Variants in TTLL5 observed in about 807,000 individuals in gnomAD.
The protein encoded by TTLL5 is tubulin tyrosine ligase like 5, also known as tubulin polyglutamylase TTLL5.
Under a neutral mutation model 168.4 loss-of-function variants are expected in TTLL5, and 132 were observed. The ratio of observed to expected loss-of-function variants is 0.78; its 90% CI spans 0.68 to 0.91. The LOEUF (loss-of-function observed/expected upper bound fraction) is 0.91, where lower values mean the gene tolerates loss of function less well. TTLL5 is among the 40% of genes least tolerant of loss of function. The pLI, the probability that TTLL5 is intolerant of heterozygous loss-of-function variation, is 0.00. For synonymous variants in TTLL5, 546 were observed against 558.6 expected (o/e 0.98, Z 0.32); for missense variants, 1,545 against 1,581.5 (o/e 0.98, Z 0.39).
chr14:75,912,057 GGGTTAGC>G, intron 31 of TTLL5, among the ~76,000 whole-genome samples: 1 of 52,888 alleles, frequency 1.9e-5, no homozygotes, highest in Non-Finnish European at 4.1e-5. Flanking sequence ...ACAGCAGCTC[GGGTTAGC>G]CCATCCCGTG....
chr14:75,917,245 C>G (rs1318237677), intron 31 of TTLL5, among the ~76,000 whole-genome samples: 1 of 151,910 alleles, frequency 6.6e-6, no homozygotes, highest in Non-Finnish European at 1.5e-5. Context: ...TGTATTATAC[C>G]CCAGATTAGG....
At chr14:75,920,446 G>A (rs556905165) in intron 31 of TTLL5, among the ~76,000 whole-genome samples, 42 of 151,928 alleles carry the variant, frequency 2.8e-4, no homozygotes, top group African/African-American at 8.5e-4. Flanking sequence ...CTCGACCCCT[G>A]TGTCCAAGTG....
intron 30 of TTLL5, among the ~76,000 whole-genome samples, chr14:75,892,565 A>G (rs2032453647): frequency 6.6e-6 from 1 of 152,206 alleles, no homozygotes; most frequent in Admixed American, 6.5e-5. Flanking sequence ...TGCGACTGGC[A>G]TCTAGTGGGT....
intron 27 of TTLL5, among the ~76,000 whole-genome samples, chr14:75,796,366 T>C (rs1177936194): frequency 6.6e-6 from 1 of 152,240 alleles, no homozygotes; most frequent in Non-Finnish European, 1.5e-5. Context: ...TTTCTCCCAC[T>C]GTGTGGGTTG....
chr14:75,675,801 C>A (rs1460434455), intron 3 of TTLL5, among the ~76,000 whole-genome samples: 1 of 151,908 alleles, frequency 6.6e-6, no homozygotes, highest in Non-Finnish European at 1.5e-5. Context: ...TCAGGGTGTT[C>A]CAGAGAAATA....
At chr14:75,667,751 G>GTT (rs67181555) in intron 2 of TTLL5, among the ~76,000 whole-genome samples, 39,473 of 89,100 alleles carry the variant, frequency 0.44, 11,559 homozygotes, top group Non-Finnish European at 0.59. Context: ...ATCTTTTTAT[G>GTT]TTTTTTTTTT....
intron 31 of TTLL5, among the ~76,000 whole-genome samples, chr14:75,936,897 A>G (rs554375944): frequency 6.6e-6 from 1 of 152,332 alleles, no homozygotes; most frequent in African/African-American, 2.4e-5. Flanking sequence ...CTAGGCAGAC[A>G]AAAATAGTAA....
rs1386860379 is a variant in TTLL5 at position 75,735,065 on chromosome 14, C to T, written c.1187-130C>T. ...GTGTGTGGGAGAGTTGTGCATTATG[C>T]TCCTGAGGATAGATCTCTGTGATAT... On this transcript the variant is annotated intron_variant, in intron 14 of 31. Transcript: ENST00000298832. The T allele has an allele frequency of 3.9e-6, 3 of 770,432 alleles. No individual in the cohort carries two copies. In the East Asian group the frequency reaches 7.8e-5, roughly 20 times the overall value. The allele number at this position is 770,432 out of a possible 1,614,324, so 47.7% of individuals were successfully genotyped here.
chr14:75,763,019 C>CACGT (rs966256393), intron 18 of TTLL5, among the ~76,000 whole-genome samples: 1 of 151,966 alleles, frequency 6.6e-6, no homozygotes, highest in Admixed American at 6.6e-5. Context: ...TTTTAAGAGA[C>CACGT]ACGTCATTGG....
At chr14:75,947,535 A>T (rs961696821) in intron 31 of TTLL5, among the ~76,000 whole-genome samples, 5 of 152,192 alleles carry the variant, frequency 3.3e-5, no homozygotes. Context: ...TTGGGCAAAA[A>T]ATTAACAGAA....
intron 31 of TTLL5, among the ~76,000 whole-genome samples, chr14:75,932,390 A>G (rs2034303977): frequency 6.6e-6 from 1 of 152,200 alleles, no homozygotes; most frequent in South Asian, 2.1e-4. Flanking sequence ...AATCATTTAG[A>G]ATTGACTCAG....
intron 17 of TTLL5, 32 bp from the exon 18 acceptor site, chr14:75,752,861 A>C (rs764978877): frequency 1.9e-6 from 3 of 1,605,952 alleles, no homozygotes; most frequent in South Asian, 2.2e-5. Context: ...AACTAGCTTA[A>C]GAAATAACCA....
chr14:75,705,300 C>G (rs1886572569), intron 7 of TTLL5, among the ~76,000 whole-genome samples: 1 of 152,186 alleles, frequency 6.6e-6, no homozygotes, highest in Non-Finnish European at 1.5e-5. Flanking sequence ...GACTCTCATT[C>G]TGACTTCAGA....
chr14:75,893,368 T>G (rs927408372), intron 30 of TTLL5, among the ~76,000 whole-genome samples: 1 of 152,190 alleles, frequency 6.6e-6, no homozygotes, highest in African/African-American at 2.4e-5. Context: ...GTCTAAATAT[T>G]ACCAGGGAGA....
In TTLL5 at chr14:75,903,960, A is replaced by G. The variant is rs576803723; in HGVS notation, c.3823+1736A>G. ...TCCTGGGGATAATTATATGTATCTC[A>G]TAAGGCTTATAGTAAGGATTAAATG... On this transcript the variant is annotated intron_variant, in intron 31 of 31. Transcript: ENST00000298832. 4.4e-5 allele frequency: 17 copies of G among 389,738 alleles called. No homozygotes were observed. The South Asian group carries it at 1.3e-3, about 29-fold the overall frequency. 24.1% of individuals were successfully genotyped at this position (389,738 alleles called of 1,614,324 possible). A position where few individuals can be genotyped will look rare whatever the true frequency, so the allele number is the denominator to read the frequency against.
chr14:75,715,110 A>G (rs559367513), intron 9 of TTLL5, among the ~76,000 whole-genome samples: 168 of 151,982 alleles, frequency 1.1e-3, no homozygotes, highest in African/African-American at 4.0e-3. Context: ...TATTTGCTCA[A>G]TTCCTTTGTA....
At chr14:75,859,135 A>G (rs1045122410) in intron 28 of TTLL5, among the ~76,000 whole-genome samples, 2 of 152,220 alleles carry the variant, frequency 1.3e-5, no homozygotes, top group Non-Finnish European at 2.9e-5. Context: ...AGTCCTCTGC[A>G]TATCTTTATG....
intron 28 of TTLL5, among the ~76,000 whole-genome samples, chr14:75,842,625 GA>G (rs1896319765): frequency 1.3e-5 from 2 of 151,876 alleles, no homozygotes; most frequent in Non-Finnish European, 2.9e-5. Flanking sequence ...CAAACTGAAT[GA>G]AAAAAGCTTA....
intron 13 of TTLL5, 137 bp from the exon 14 acceptor site, chr14:75,733,852 C>T: frequency 1.4e-6 from 1 of 740,108 alleles, no homozygotes; most frequent in Non-Finnish European, 2.3e-6. Context: ...CCCCACCGCC[C>T]CCGTGGATTT....
Sources: gnomAD v4.1 joint callset for allele counts (sites outside exome capture counted in the v4.1 genomes callset) on GRCh38, gnomAD v4.1.1 for gene constraint, MANE v1.5 for transcripts, NCBI Gene and HGNC (gene_info 2026-07-23, HGNC 2026-07-21) for gene names.